The following CD247 variants were observed in gnomAD, a reference collection of about 807,000 sequenced individuals.
CD247 encodes T-cell surface glycoprotein CD3 zeta chain.
Under a neutral mutation model 30.0 loss-of-function variants are expected in CD247, and 13 were observed. The observed-to-expected ratio is 0.43, with a 90% CI of 0.28 to 0.69. The LOEUF (loss-of-function observed/expected upper bound fraction) is 0.69, where lower values mean the gene tolerates loss of function less well. Ranked by LOEUF, CD247 falls within the 30% of genes least tolerant of loss-of-function variation. The probability of loss-of-function intolerance (pLI) is 0.16; values close to 1 mark genes in which losing one functional copy is unlikely to be tolerated. For missense variants in CD247, 193 were observed against 212.6 expected (o/e 0.91, Z 0.57); for synonymous variants, 72 against 80.0 (o/e 0.90, Z 0.53).
chr1:167,475,268 C>T (rs770622810), intron 1 of CD247, among the ~76,000 whole-genome samples: 5 of 152,138 alleles, frequency 3.3e-5, no homozygotes, highest in African/African-American at 4.8e-5. Context: ...ACAACATCAA[C>T]GATGATCAGC....
intron 1 of CD247, among the ~76,000 whole-genome samples, chr1:167,449,319 A>AT (rs1248967156): frequency 6.6e-5 from 10 of 151,108 alleles, no homozygotes; most frequent in Non-Finnish European, 3.0e-5. Flanking sequence ...CACCTGGCTA[A>AT]TTTTTTGTAT....
At chr1:167,461,002 C>T (rs1050111519) in intron 1 of CD247, among the ~76,000 whole-genome samples, 8 of 152,244 alleles carry the variant, frequency 5.3e-5, no homozygotes, top group African/African-American at 9.6e-5. Context: ...GCCCAGCCCA[C>T]GCGCTGTGAG....
chr1:167,501,837 G>A (rs1371693770), intron 1 of CD247, among the ~76,000 whole-genome samples: 1 of 152,224 alleles, frequency 6.6e-6, no homozygotes, highest in Non-Finnish European at 1.5e-5. Context: ...ACCACTGTAT[G>A]TGGAGCCGAG....
rs1651703215 is a variant in CD247, at chr1:167,439,343, C to G, written c.219+1G>C. The G allele has an allele frequency of 1.9e-6, 3 of 1,613,852 alleles. No individual in the cohort carries two copies. Among genetic ancestry groups the G allele is most frequent in the Non-Finnish European group, 2.5e-6 (3 of 1,179,718 alleles). Reference sequence around the variant, plus strand: ...GAGGGTCTACGGCGAGGCTGACTTACGTTATAGAGCTGGTTCTGGCCCTGC... The same window carrying G: ...GAGGGTCTACGGCGAGGCTGACTTAGGTTATAGAGCTGGTTCTGGCCCTGC... On this transcript the variant is annotated splice_donor_variant, in intron 3 of 7. Coordinates refer to ENST00000362089, the MANE Select transcript of CD247 (RefSeq NM_198053.3). LOFTEE classifies it high-confidence loss of function.
chr1:167,433,124 G>T, intron 6 of CD247, 65 bp from the exon 7 acceptor site: 2 of 1,531,038 alleles, frequency 1.3e-6, no homozygotes, highest in Admixed American at 1.7e-5. Context: ...TGGCATTTCT[G>T]CTCAAGGGCC....
At chr1:167,437,178 A>G (rs944572452) in intron 4 of CD247, among the ~76,000 whole-genome samples, 13 of 152,128 alleles carry the variant, frequency 8.5e-5, no homozygotes, top group Non-Finnish European at 1.9e-4. Flanking sequence ...TGAGGCGGGC[A>G]GATCACTTGA....
In CD247 at chr1:167,484,553, G is replaced by C. The variant is rs193016633; in HGVS notation, c.58+33855C>G. 3.6e-4 allele frequency among the ~76,000 whole-genome samples: 55 copies of C among 152,348 alleles called. No homozygotes were observed. In the East Asian group the frequency reaches 9.7e-3, roughly 27 times the overall value. On this transcript the variant is annotated intron_variant, in intron 1 of 7. Coordinates refer to ENST00000362089, the MANE Select transcript of CD247 (RefSeq NM_198053.3). ...GCACTTTGGGAGGCCAAGGCGGGCGGATCACCTGAGGTCAGGAGTTCGAGA... is the reference window on the plus strand; with the variant it reads ...GCACTTTGGGAGGCCAAGGCGGGCGCATCACCTGAGGTCAGGAGTTCGAGA...
intron 1 of CD247, among the ~76,000 whole-genome samples, chr1:167,490,155 C>G (rs762084844): frequency 6.6e-6 from 1 of 152,178 alleles, no homozygotes; most frequent in Non-Finnish European, 1.5e-5. Context: ...CCTACGGCGG[C>G]GGAAAGATCG....
intron 1 of CD247, among the ~76,000 whole-genome samples, chr1:167,441,415 C>T (rs190608638): frequency 3.7e-4 from 57 of 152,180 alleles, no homozygotes; most frequent in African/African-American, 1.3e-3. Flanking sequence ...GGTGCCCCTC[C>T]CCACCTAGGC....
chr1:167,517,860 C>A (rs1558037728), intron 1 of CD247, among the ~76,000 whole-genome samples: 1 of 152,278 alleles, frequency 6.6e-6, no homozygotes. Context: ...CCTGCCTGTG[C>A]CCCTCTCCTC....
chr1:167,499,966 A>G (rs1420076131), intron 1 of CD247, among the ~76,000 whole-genome samples: 1 of 152,202 alleles, frequency 6.6e-6, no homozygotes, highest in Non-Finnish European at 1.5e-5. Context: ...TGCTCACCTG[A>G]CGACAATCAC....
At chr1:167,479,180 A>G (rs2995096) in intron 1 of CD247, among the ~76,000 whole-genome samples, 1,716 of 152,338 alleles carry the variant, frequency 0.011, 14 homozygotes, top group Admixed American at 0.016. Flanking sequence ...CCATGTAAAG[A>G]AAGTAGCACG....
intron 1 of CD247, among the ~76,000 whole-genome samples, chr1:167,510,340 C>T (rs1020256923): frequency 6.6e-6 from 1 of 152,232 alleles, no homozygotes; most frequent in Non-Finnish European, 1.5e-5. Context: ...GCACCACATG[C>T]GCCAGCATAT....
At chr1:167,501,978 A>G (rs551258686) in intron 1 of CD247, among the ~76,000 whole-genome samples, 27 of 152,306 alleles carry the variant, frequency 1.8e-4, no homozygotes, top group Admixed American at 1.2e-3. Context: ...TGTTTTTCTG[A>G]AGGGCAACCC....
chr1:167,514,909 A>T (rs1655536586), intron 1 of CD247, among the ~76,000 whole-genome samples: 1 of 152,174 alleles, frequency 6.6e-6, no homozygotes, highest in African/African-American at 2.4e-5. Flanking sequence ...TTTGACTGGA[A>T]AAGTATATAT....
At chr1:167,502,445 C>G (rs916098581) in intron 1 of CD247, among the ~76,000 whole-genome samples, 10 of 152,216 alleles carry the variant, frequency 6.6e-5, no homozygotes, top group Non-Finnish European at 1.5e-5. Flanking sequence ...CTGTCTGTAC[C>G]TCTGAGGTAC....
At chr1:167,475,394 A>C (rs991394792) in intron 1 of CD247, among the ~76,000 whole-genome samples, 9 of 152,224 alleles carry the variant, frequency 5.9e-5, no homozygotes, top group African/African-American at 2.2e-4. Flanking sequence ...CATTATAAAT[A>C]AAGGGAAGAA....
At chr1:167,468,871 A>G (rs1241641744) in intron 1 of CD247, among the ~76,000 whole-genome samples, 2 of 152,168 alleles carry the variant, frequency 1.3e-5, no homozygotes, top group Non-Finnish European at 2.9e-5. Context: ...TTGTGAATTA[A>G]GGGAACCAAA....
At chr1:167,433,336 C>T (rs1214789969) in intron 6 of CD247, among the ~76,000 whole-genome samples, 1 of 152,228 alleles carries the variant, frequency 6.6e-6, no homozygotes, top group Non-Finnish European at 1.5e-5. Context: ...GCCCGCAGGA[C>T]CTATATTGCC....
Sources: allele counts gnomAD v4.1 joint callset (sites outside exome capture counted in the v4.1 genomes callset), GRCh38; gene constraint gnomAD v4.1.1; transcripts MANE v1.5; gene names NCBI Gene and HGNC (gene_info 2026-07-23, HGNC 2026-07-21).